The following NBEAL1 variants were observed in gnomAD, a reference collection of about 807,000 sequenced individuals.
NBEAL1 encodes neurobeachin-like protein 1.
Under a neutral mutation model 351.3 loss-of-function variants are expected in NBEAL1, and 273 were observed. The ratio of observed to expected loss-of-function variants is 0.78; its 90% confidence interval spans 0.70 to 0.86. NBEAL1 has a LOEUF of 0.86. NBEAL1 is among the 40% of genes least tolerant of loss of function. NBEAL1 has a pLI of 0.00. For missense variants in NBEAL1, 2,961 were observed against 3,201.3 expected (o/e 0.92, Z 1.81); for synonymous variants, 1,050 against 1,086.4 (o/e 0.97, Z 0.66).
At chr2:203,123,011 T>C (rs931909770) in intron 19 of NBEAL1, among the ~76,000 whole-genome samples, 2 of 151,978 alleles carry the variant, frequency 1.3e-5, no homozygotes, top group Non-Finnish European at 2.9e-5. Context: ...TTTCCTTAAA[T>C]GATATTTTAA....
chr2:203,061,885 C>T (rs1355078321), intron 6 of NBEAL1: 2 of 177,344 alleles, frequency 1.1e-5, no homozygotes, highest in Non-Finnish European at 2.4e-5. Flanking sequence ...GTTTTCCCCA[C>T]ATACTGTACA....
rs149945350 is a variant in NBEAL1, at chr2:203,221,501, C to T, written c.*4147C>T. Among the ~76,000 whole-genome samples the T allele has an allele frequency of 9.1e-4, 139 of 152,132 alleles. 2 individuals carry two copies. The South Asian group carries it at 0.012, about 13-fold the overall frequency. ...GGTTCTTGAACCTATCTTTAGGATA[C>T]AGTTTTTGACTGGGATATAAGAAAT... On this transcript the variant is annotated 3_prime_UTR_variant, in exon 56 of 56. Transcript: ENST00000683969.
rs1559071833 is a variant in NBEAL1 at position 203,213,578 on chromosome 2, C to G, written c.7995C>G (p.Thr2665=). 3 of 1,613,886 alleles carry G rather than the reference C, an allele frequency of 1.9e-6. No individual in the cohort carries two copies. The highest frequency in any genetic ancestry group is 2.5e-6 in the Non-Finnish European group (3 of 1,179,858). ...MRLPIHCVCV[T]KEYSHILVGL... ...TGCCTATCCATTGTGTTTGTGTCAC[C>G]AAAGAATACAGCCATATTCTTGTAG... The change falls in exon 55 of 56, where the codon ACC becomes ACG. Residue 2665 remains threonine, a synonymous_variant. Coordinates refer to ENST00000683969, the MANE Select transcript of NBEAL1 (RefSeq NM_001378026.1).
At chr2:203,116,569 C>G in intron 18 of NBEAL1, among the ~76,000 whole-genome samples, 1 of 149,900 alleles carries the variant, frequency 6.7e-6, no homozygotes, top group Non-Finnish European at 1.5e-5. Context: ...CCAGGAGTTC[C>G]AGACTAGCCT....
chr2:203,092,162 A>G (rs1011282628), intron 10 of NBEAL1, among the ~76,000 whole-genome samples: 2 of 152,216 alleles, frequency 1.3e-5, no homozygotes, highest in African/African-American at 4.8e-5. Flanking sequence ...AAATATAGAA[A>G]AGTAGAAAAA....
chr2:203,040,443 G>C, intron 2 of NBEAL1: 1 of 719,852 alleles, frequency 1.4e-6, no homozygotes, highest in Non-Finnish European at 2.6e-6. Context: ...GACTTCGCCT[G>C]AAGAAAATGT....
intron 44 of NBEAL1, among the ~76,000 whole-genome samples, chr2:203,187,260 G>T (rs1477546127): frequency 2.7e-5 from 4 of 150,898 alleles, no homozygotes; most frequent in Non-Finnish European, 4.4e-5. Flanking sequence ...GTTTCGCCAT[G>T]TTGCCCAGGC....
At chr2:203,183,846 G>A (rs2064806659) in intron 44 of NBEAL1, among the ~76,000 whole-genome samples, 1 of 152,008 alleles carries the variant, frequency 6.6e-6, no homozygotes, top group African/African-American at 2.4e-5. Context: ...GGCCAAGGAG[G>A]CCAAGGCCTC....
At chr2:203,199,498 C>A in intron 49 of NBEAL1, 51 bp downstream of exon 49, 2 of 895,250 alleles carry the variant, frequency 2.2e-6, no homozygotes, top group Non-Finnish European at 3.5e-6. Context: ...TACCTTATTG[C>A]CAGGAAAAAA....
At chr2:203,190,648 C>A (rs1385757782) in intron 46 of NBEAL1, 12 of 1,086,582 alleles carry the variant, frequency 1.1e-5, no homozygotes, top group Non-Finnish European at 1.4e-5. Flanking sequence ...CCCAAAAAGG[C>A]ACTTGCTTTC....
chr2:203,144,541 T>G, intron 31 of NBEAL1, 59 bp from the exon 32 acceptor site: 1 of 1,470,894 alleles, frequency 6.8e-7, no homozygotes. Flanking sequence ...GCAGAACTTG[T>G]GCTTTCACTA....
chr2:203,151,682 C>G, intron 35 of NBEAL1, 93 bp downstream of exon 35: 2 of 1,210,632 alleles, frequency 1.7e-6, no homozygotes, highest in Non-Finnish European at 2.2e-6. Flanking sequence ...AATGTGTTTA[C>G]TTATGAAGGA....
chr2:203,141,959 T>C (rs976100714), intron 31 of NBEAL1, among the ~76,000 whole-genome samples: 3 of 152,168 alleles, frequency 2.0e-5, no homozygotes. Flanking sequence ...AAAATAGGAC[T>C]GCATGGTTGT....
In NBEAL1 at chr2:203,014,908, G is replaced by A. The variant is rs2105978079; in HGVS notation, c.-304G>A. On this transcript the variant is annotated 5_prime_UTR_variant, in exon 1 of 56. Coordinates refer to ENST00000683969, the MANE Select transcript of NBEAL1 (RefSeq NM_001378026.1). Reference sequence around the variant, plus strand: ...GTCTGCCTGGCTGCGGGGTGACACGGGGCTTCGCCTTGGGAAGGGGTCGAG... The same window carrying A: ...GTCTGCCTGGCTGCGGGGTGACACGAGGCTTCGCCTTGGGAAGGGGTCGAG... 1 of 152,518 alleles carries A rather than the reference G, an allele frequency of 6.6e-6. No homozygotes were observed. Among genetic ancestry groups the A allele is most frequent in the Non-Finnish European group, 1.5e-5 (1 of 68,188 alleles). The allele number at this position is 152,518 out of a possible 1,614,324, so 9.4% of individuals were successfully genotyped here.
intron 7 of NBEAL1, among the ~76,000 whole-genome samples, chr2:203,069,288 T>G (rs1052028901): frequency 6.6e-6 from 1 of 152,346 alleles, no homozygotes; most frequent in Admixed American, 6.5e-5. Flanking sequence ...GATTGCTTGC[T>G]GAAGATGACT....
At chr2:203,154,289 G>GA (rs894189298) in intron 35 of NBEAL1, among the ~76,000 whole-genome samples, 16 of 148,856 alleles carry the variant, frequency 1.1e-4, no homozygotes, top group South Asian at 2.1e-4. Context: ...AAACTGTACA[G>GA]AAAAAAAAAT....
At chr2:203,211,339 C>T (rs976059177) in intron 54 of NBEAL1, among the ~76,000 whole-genome samples, 5 of 151,648 alleles carry the variant, frequency 3.3e-5, no homozygotes, top group South Asian at 2.1e-4. Flanking sequence ...TATATTTTAC[C>T]GCAATTAAAA....
At chr2:203,139,545 G>T (rs2063310266) in intron 31 of NBEAL1, among the ~76,000 whole-genome samples, 1 of 131,048 alleles carries the variant, frequency 7.6e-6, no homozygotes, top group Non-Finnish European at 1.6e-5. Context: ...ACAACAGGTT[G>T]CCCACCCCCA....
In NBEAL1 at chr2:203,016,369, C is replaced by G; in HGVS notation, c.-16C>G. On this transcript the variant is annotated 5_prime_UTR_variant, in exon 2 of 56. Coordinates refer to ENST00000683969, the MANE Select transcript of NBEAL1 (RefSeq NM_001378026.1). ...TTTTTTTAAGGAAAACTTAAAGTGC[C>G]AGAGTGAAAGCCAGAATGGCATCCA... 6.8e-7 allele frequency: 1 copy of G among 1,468,056 alleles called. No homozygotes were observed. The highest frequency in any genetic ancestry group is 9.2e-7 in the Non-Finnish European group (1 of 1,091,704). The allele number at this position is 1,468,056 out of a possible 1,614,324, so 90.9% of individuals were successfully genotyped here.
Sources: allele counts gnomAD v4.1 joint callset (sites outside exome capture counted in the v4.1 genomes callset), GRCh38; gene constraint gnomAD v4.1.1; transcripts MANE v1.5; gene names NCBI Gene and HGNC (gene_info 2026-07-23, HGNC 2026-07-21).